The following TACR3 variants were observed in gnomAD, a reference collection of about 807,000 sequenced individuals.
TACR3 encodes neuromedin-K receptor.
TACR3 carries 34 observed loss-of-function variants against 35.0 expected under a neutral mutation model. The ratio of observed to expected loss-of-function variants is 0.97; its 90% confidence interval spans 0.74 to 1.30. The LOEUF is 1.30. TACR3 is among the 50% of genes most tolerant of loss of function. TACR3 has a pLI of 0.00. For missense variants in TACR3, 558 were observed against 591.7 expected (o/e 0.94, Z 0.59); for synonymous variants, 233 against 221.1 (o/e 1.05, Z -0.48).
chr4:103,598,158 G>C (rs569717768), intron 3 of TACR3, among the ~76,000 whole-genome samples: 32 of 152,322 alleles, frequency 2.1e-4, no homozygotes, highest in African/African-American at 7.7e-4. Flanking sequence ...ACTGGTGTGA[G>C]ATGGTATCTC....
Position 103,705,423 on chromosome 4 carries a change from A to G in TACR3, c.548+13705T>C, listed in dbSNP as rs1250648758. ...CATCAATCCAGAGTGCATCCTTACT[A>G]TGTTCAAACCAGTATGACAGGCATG... On this transcript the variant is annotated intron_variant, in intron 1 of 4. Coordinates refer to ENST00000304883, the MANE Select transcript of TACR3 (RefSeq NM_001059.3). 2.0e-5 allele frequency among the ~76,000 whole-genome samples: 3 copies of G among 152,112 alleles called. No homozygotes were observed. The East Asian group carries it at 5.8e-4, about 29-fold the overall frequency.
chr4:103,705,284 T>A (rs944171484), intron 1 of TACR3, among the ~76,000 whole-genome samples: 2 of 152,160 alleles, frequency 1.3e-5, no homozygotes, highest in Admixed American at 6.5e-5. Context: ...AAAAAATATG[T>A]GTAAAAATGC....
At chr4:103,702,487 G>C (rs1182887577) in intron 1 of TACR3, among the ~76,000 whole-genome samples, 1 of 152,204 alleles carries the variant, frequency 6.6e-6, no homozygotes, top group Non-Finnish European at 1.5e-5. Flanking sequence ...GTGGAAGTCA[G>C]TGTGGTGATT....
chr4:103,714,774 A>T (rs562563056), intron 1 of TACR3, among the ~76,000 whole-genome samples: 6 of 152,294 alleles, frequency 3.9e-5, no homozygotes, highest in African/African-American at 1.4e-4. Flanking sequence ...AGCAGAGTTC[A>T]TATCTATAAT....
At chr4:103,681,650 A>C (rs757033129) in intron 1 of TACR3, among the ~76,000 whole-genome samples, 9 of 152,184 alleles carry the variant, frequency 5.9e-5, no homozygotes, top group Non-Finnish European at 8.8e-5. Flanking sequence ...TCAGATCCAC[A>C]AATTCACAAT....
intron 1 of TACR3, among the ~76,000 whole-genome samples, chr4:103,674,734 T>G (rs2110205310): frequency 6.6e-6 from 1 of 152,248 alleles, no homozygotes; most frequent in East Asian, 1.9e-4. Flanking sequence ...GTACTTTTAG[T>G]AGAGATGGGG....
intron 3 of TACR3, among the ~76,000 whole-genome samples, chr4:103,621,149 A>G (rs1724769783): frequency 6.6e-6 from 1 of 152,230 alleles, no homozygotes; most frequent in African/African-American, 2.4e-5. Flanking sequence ...AAGTGGAGAT[A>G]TTGAAGAGTC....
intron 1 of TACR3, among the ~76,000 whole-genome samples, chr4:103,669,320 T>C (rs1268321692): frequency 6.6e-6 from 1 of 152,180 alleles, no homozygotes; most frequent in Non-Finnish European, 1.5e-5. Flanking sequence ...ACAATAAACA[T>C]GGGATTGCAG....
Position 103,587,267 on chromosome 4 carries a change from T to G in TACR3, c.*2415A>C, listed in dbSNP as rs906636079. Reference sequence around the variant, plus strand: ...TCTTTTATATTTCACTCTTGTTTTATTATTGTCGTTTAAATTTTTGAACTT... The same window carrying G: ...TCTTTTATATTTCACTCTTGTTTTAGTATTGTCGTTTAAATTTTTGAACTT... On this transcript the variant is annotated 3_prime_UTR_variant, in exon 5 of 5. Coordinates refer to ENST00000304883, the MANE Select transcript of TACR3 (RefSeq NM_001059.3). 6.6e-6 allele frequency: 1 copy of G among 152,154 alleles called. No homozygotes were observed. The highest frequency in any genetic ancestry group is 1.5e-5 in the Non-Finnish European group (1 of 67,998). 9.4% of individuals were successfully genotyped at this position (152,154 alleles called of 1,614,324 possible). A position where few individuals can be genotyped will look rare whatever the true frequency, so the allele number is the denominator to read the frequency against.
At chr4:103,714,617 C>T (rs566574744) in intron 1 of TACR3, among the ~76,000 whole-genome samples, 19 of 152,050 alleles carry the variant, frequency 1.2e-4, no homozygotes, top group South Asian at 2.1e-4. Flanking sequence ...TCATCATTTG[C>T]GGTAACTAGT....
At position 103,685,875 on chromosome 4, in the gene TACR3, A is replaced by T. The variant is rs142477864; in HGVS notation, c.549-27472T>A. 1.0e-3 allele frequency among the ~76,000 whole-genome samples: 153 copies of T among 152,296 alleles called. 4 individuals carry two copies. Among genetic ancestry groups the T allele is most frequent in the Middle Eastern group, 6.8e-3 (2 of 294 alleles). ...CCCTTCCCCAGGTCCACAGTGTGAA[A>T]GTTCTGCCCTGTGTGGGTGGGGACA... On this transcript the variant is annotated intron_variant, in intron 1 of 4. Transcript: ENST00000304883.
At chr4:103,617,541 T>G (rs1246007120) in intron 3 of TACR3, among the ~76,000 whole-genome samples, 1 of 152,176 alleles carries the variant, frequency 6.6e-6, no homozygotes, top group Non-Finnish European at 1.5e-5. Context: ...ATCTTTCTAT[T>G]GTTAAGTTCC....
intron 3 of TACR3, among the ~76,000 whole-genome samples, chr4:103,650,318 C>G (rs1165697028): frequency 6.6e-6 from 1 of 151,586 alleles, no homozygotes; most frequent in Non-Finnish European, 1.5e-5. Flanking sequence ...GGGGTTCACC[C>G]AAAGCCTGTT....
In TACR3 at chr4:103,658,362, G is replaced by C. The variant is rs1560825099; in HGVS notation, c.590C>G (p.Ala197Gly). ...IIDPLKPRLS[A>G]TATKIVIGSI... Reference sequence around the variant, plus strand: ...TCCAATGACAATCTTGGTTGCTGTAGCAGACAGTCTGGGTTTCAAGGGATC... The same window carrying C: ...TCCAATGACAATCTTGGTTGCTGTACCAGACAGTCTGGGTTTCAAGGGATC... The change falls in exon 2 of 5, where the codon GCT becomes GGT. Residue 197 changes from alanine to glycine, a missense_variant. By Grantham distance (60) the Ala-to-Gly change is moderately conservative. Coordinates refer to ENST00000304883, the MANE Select transcript of TACR3 (RefSeq NM_001059.3). The C allele has an allele frequency of 6.2e-7, 1 of 1,613,716 alleles. No homozygotes were observed. The highest frequency in any genetic ancestry group is 8.5e-7 in the Non-Finnish European group (1 of 1,179,922).
Position 103,658,266 on chromosome 4 carries a change from C to G in TACR3, c.686G>C (p.Gly229Ala). The G allele has an allele frequency of 2.5e-6, 4 of 1,613,916 alleles. No individual in the cohort carries two copies. Among genetic ancestry groups the G allele is most frequent in the Non-Finnish European group, 3.4e-6 (4 of 1,179,938 alleles). Reference protein sequence around the residue: ...CLYSKTKVMPGRTLCFVQWPE... With the variant: ...CLYSKTKVMPARTLCFVQWPE... ...CCATTGCACAAAGCAGAGAGTACGG[C>G]CTGGCATGACTTTGGTTTTGGAATA... The change falls in exon 2 of 5, where the codon GGC becomes GCC. Residue 229 changes from glycine to alanine, a missense_variant. Transcript: ENST00000304883.
intron 1 of TACR3, among the ~76,000 whole-genome samples, chr4:103,686,620 A>C (rs937755963): frequency 1.3e-5 from 2 of 152,184 alleles, no homozygotes; most frequent in African/African-American, 4.8e-5. Flanking sequence ...TTTTTGATAG[A>C]AAATTATAAC....
intron 3 of TACR3, among the ~76,000 whole-genome samples, chr4:103,604,494 A>T (rs1393864092): frequency 6.6e-6 from 1 of 152,162 alleles, no homozygotes; most frequent in African/African-American, 2.4e-5. Flanking sequence ...AGACTTCATG[A>T]TTAAAACACC....
intron 1 of TACR3, among the ~76,000 whole-genome samples, chr4:103,704,105 C>CAAAAAAA (rs59034473): frequency 0.02 from 1,309 of 64,562 alleles, 2 homozygotes; most frequent in Non-Finnish European, 0.028. Context: ...CTCTATCTCA[C>CAAAAAAA]AAAAAAAAAA....
At chr4:103,646,048 CT>C (rs1273443839) in intron 3 of TACR3, among the ~76,000 whole-genome samples, 1 of 152,066 alleles carries the variant, frequency 6.6e-6, no homozygotes, top group African/African-American at 2.4e-5. Context: ...ATTTAATAGT[CT>C]GTCTGTATCT....
Sources: gnomAD v4.1 joint callset for allele counts (sites outside exome capture counted in the v4.1 genomes callset) on GRCh38, gnomAD v4.1.1 for gene constraint, MANE v1.5 for transcripts, NCBI Gene and HGNC (gene_info 2026-07-23, HGNC 2026-07-21) for gene names.